The following EGF variants were observed in gnomAD, a reference collection of about 807,000 sequenced individuals.
EGF encodes epidermal growth factor.
Under a neutral mutation model 143.8 loss-of-function variants are expected in EGF, and 95 were observed. That is an observed-to-expected ratio of 0.66 (90% CI 0.56 to 0.78). The LOEUF is 0.78. Among genes scored for constraint, EGF ranks in the 30% least tolerant of loss-of-function variants. The probability of loss-of-function intolerance (pLI) is 0.00; values close to 1 mark genes in which losing one functional copy is unlikely to be tolerated. For missense variants in EGF, 1,320 were observed against 1,470.9 expected, an observed-to-expected ratio of 0.90 and a Z score of 1.68; for synonymous variants, 510 against 510.5, an observed-to-expected ratio of 1.00 and a Z score of 0.01.
chr4:109,968,055 A>T (rs1371193189), intron 10 of EGF, among the ~76,000 whole-genome samples: 1 of 152,138 alleles, frequency 6.6e-6, no homozygotes, highest in Non-Finnish European at 1.5e-5. Flanking sequence ...ACAAACACTG[A>T]ACATTTAGGC....
Position 110,011,547 on chromosome 4 carries a change from G to A in EGF, c.*92G>A. On this transcript the variant is annotated 3_prime_UTR_variant, in exon 24 of 24. Transcript: ENST00000265171. ...AAGTAGAGCAAAACTATAGGTTTTG[G>A]TTCCACAATCTCTACGACTAATCAC... The A allele has an allele frequency of 1.9e-6, 3 of 1,591,450 alleles. No homozygotes were observed. In the South Asian group the frequency reaches 3.3e-5, roughly 18 times the overall value.
At chr4:109,952,864 G>A (rs1405130975) in intron 5 of EGF, among the ~76,000 whole-genome samples, 1 of 152,102 alleles carries the variant, frequency 6.6e-6, no homozygotes, top group African/African-American at 2.4e-5. Flanking sequence ...TCATTTTTAT[G>A]TTTTCTTTCT....
chr4:109,995,707 T>G (rs1751707290), intron 20 of EGF, among the ~76,000 whole-genome samples: 2 of 152,222 alleles, frequency 1.3e-5, no homozygotes, highest in African/African-American at 4.8e-5. Context: ...TCCTGATCCA[T>G]TGATAATTTT....
chr4:110,004,654 T>G (rs771261683), intron 22 of EGF, 32 bp downstream of exon 22: 1 of 1,594,642 alleles, frequency 6.3e-7, no homozygotes, highest in South Asian at 1.1e-5. Flanking sequence ...AAGCAAGGAA[T>G]TGGCTTGATA....
At chr4:109,978,018 A>G (rs1748773460) in intron 13 of EGF, among the ~76,000 whole-genome samples, 1 of 152,222 alleles carries the variant, frequency 6.6e-6, no homozygotes, top group African/African-American at 2.4e-5. Context: ...TGTATGACTA[A>G]TACAACTATT....
intron 8 of EGF, among the ~76,000 whole-genome samples, chr4:109,962,492 A>C (rs914918560): frequency 6.6e-6 from 1 of 152,220 alleles, no homozygotes; most frequent in Non-Finnish European, 1.5e-5. Flanking sequence ...TTCTAATAAA[A>C]CAAAGCCAAG....
intron 15 of EGF, 130 bp downstream of exon 15, chr4:109,981,105 A>G: frequency 7.2e-7 from 1 of 1,397,596 alleles, no homozygotes; most frequent in Non-Finnish European, 1.0e-6. Flanking sequence ...AGGAATGCTA[A>G]GAATTTGTTT....
At chr4:109,980,732 G>T in intron 14 of EGF, 94 bp from the exon 15 acceptor site, 1 of 1,408,154 alleles carries the variant, frequency 7.1e-7, no homozygotes, top group Non-Finnish European at 1.0e-6. Flanking sequence ...CTCCCTAAAA[G>T]CTATAGCTCC....
intron 5 of EGF, among the ~76,000 whole-genome samples, chr4:109,957,128 G>C (rs1387483821): frequency 6.6e-6 from 1 of 152,120 alleles, no homozygotes; most frequent in Non-Finnish European, 1.5e-5. Flanking sequence ...ACTGTTATTG[G>C]TCATGTCTAG....
chr4:109,941,119 G>A lies in EGF; in HGVS notation c.301G>A (p.Val101Ile). The part of the protein sequence containing the change: ...VDLERQLLQR[V>I]FLNGSRQERV... ...TTTAGAAAGACAACTTTTGCAAAGA[G>A]TTTTTCTGAATGGGTCAAGGCAAGA... Residue 101 changes from valine (V) to isoleucine (I), a missense_variant, in exon 2 of 24, where the codon GTT becomes ATT. By Grantham distance (29) the Val-to-Ile change is conservative. Around this residue, in one of 5 missense-constraint regions of EGF, gnomAD observed 41 missense variants for 38.1 expected, o/e 1.07. Coordinates refer to ENST00000265171, the MANE Select transcript of EGF (RefSeq NM_001963.6). 6.2e-7 allele frequency: 1 copy of A among 1,613,948 alleles called. No homozygotes were observed. The highest frequency in any genetic ancestry group is 8.5e-7 in the Non-Finnish European group (1 of 1,179,928).
chr4:109,974,936 C>T (rs1302414077), intron 12 of EGF, 129 bp downstream of exon 12: 1 of 666,254 alleles, frequency 1.5e-6, no homozygotes, highest in Non-Finnish European at 2.7e-6. Context: ...GCATGAATTC[C>T]TCATGCTTTT....
chr4:109,921,722 A>G (rs1737825723), intron 1 of EGF, among the ~76,000 whole-genome samples: 1 of 151,544 alleles, frequency 6.6e-6, no homozygotes. Flanking sequence ...AGATAGTCAC[A>G]ACAGCATCAC....
intron 5 of EGF, among the ~76,000 whole-genome samples, chr4:109,945,747 A>G (rs1742741904): frequency 6.6e-6 from 1 of 152,214 alleles, no homozygotes; most frequent in Non-Finnish European, 1.5e-5. Context: ...GTGACAAGAC[A>G]GAGGAAAAGG....
chr4:109,928,041 T>C (rs1216271108), intron 1 of EGF, among the ~76,000 whole-genome samples: 4 of 152,142 alleles, frequency 2.6e-5, no homozygotes, highest in African/African-American at 7.2e-5. Flanking sequence ...AACTGAATTA[T>C]TATGAGTTTT....
intron 21 of EGF, among the ~76,000 whole-genome samples, chr4:110,003,177 C>G (rs555201845): frequency 6.6e-6 from 1 of 152,226 alleles, no homozygotes; most frequent in South Asian, 2.1e-4. Flanking sequence ...TGGGTATATA[C>G]CCAGTAATGG....
At chr4:109,936,193 G>C (rs2125988954) in intron 1 of EGF, among the ~76,000 whole-genome samples, 1 of 152,252 alleles carries the variant, frequency 6.6e-6, no homozygotes, top group African/African-American at 2.4e-5. Flanking sequence ...TTTATGGTTG[G>C]TAAGCTATTA....
chr4:110,002,179 T>C (rs1199829380), intron 21 of EGF, among the ~76,000 whole-genome samples: 1 of 152,208 alleles, frequency 6.6e-6, no homozygotes, highest in Non-Finnish European at 1.5e-5. Flanking sequence ...ACCGTTTGTC[T>C]TCTGTGTCTC....
At chr4:109,944,380 A>G (rs552111469) in intron 4 of EGF, among the ~76,000 whole-genome samples, 26 of 152,334 alleles carry the variant, frequency 1.7e-4, no homozygotes, top group African/African-American at 6.3e-4. Context: ...CGGAGCTTGC[A>G]GTGAGCCGAT....
At chr4:109,932,325 T>TC (rs1393733084) in intron 1 of EGF, among the ~76,000 whole-genome samples, 79 of 64,548 alleles carry the variant, frequency 1.2e-3, no homozygotes, top group Admixed American at 3.1e-3. Context: ...TTTCTTTCTC[T>TC]TTTTTTTTTT....
Sources: allele counts gnomAD v4.1 joint callset (sites outside exome capture counted in the v4.1 genomes callset), GRCh38; gene constraint gnomAD v4.1.1; regional missense constraint gnomAD v4.1.1; transcripts MANE v1.5; gene names NCBI Gene and HGNC (gene_info 2026-07-23, HGNC 2026-07-21).